PDE1C: variants seen among roughly 807,000 people sequenced by gnomAD.
PDE1C encodes phosphodiesterase 1C.
A neutral mutation model predicts 93.1 loss-of-function variants in PDE1C; 62 were observed. The ratio of observed to expected loss-of-function variants is 0.67; its 90% CI spans 0.54 to 0.82. The LOEUF (loss-of-function observed/expected upper bound fraction) is 0.82, where lower values mean the gene tolerates loss of function less well. PDE1C is among the 40% of genes least tolerant of loss of function. PDE1C has a pLI of 0.00. For missense variants in PDE1C, 742 were observed against 884.6 expected (o/e 0.84, Z 2.04); for synonymous variants, 325 against 310.1 (o/e 1.05, Z -0.50).
chr7:31,892,900 A>G (rs575927224), intron 2 of PDE1C, among the ~76,000 whole-genome samples: 1 of 152,288 alleles, frequency 6.6e-6, no homozygotes, highest in African/African-American at 2.4e-5. Flanking sequence ...AATTGCTAAA[A>G]GGGTAGATTT....
At chr7:32,184,178 G>T (rs1265948754) in intron 2 of PDE1C, among the ~76,000 whole-genome samples, 1 of 152,104 alleles carries the variant, frequency 6.6e-6, no homozygotes, top group Non-Finnish European at 1.5e-5. Context: ...GGAGAAATAG[G>T]AACACTTTTA....
chr7:31,964,589 G>C (rs369163209), intron 2 of PDE1C, among the ~76,000 whole-genome samples: 6 of 152,344 alleles, frequency 3.9e-5, no homozygotes, highest in Middle Eastern at 3.4e-3. Context: ...GTCCCTGTCT[G>C]TCAGCTTTGA....
At chr7:32,139,892 A>T (rs1161230329) in intron 3 of PDE1C, among the ~76,000 whole-genome samples, 1 of 141,226 alleles carries the variant, frequency 7.1e-6, no homozygotes, top group East Asian at 2.0e-4. Flanking sequence ...CCATATTGTG[A>T]CTGTGAGGAG....
At chr7:32,111,311 A>G (rs918809879) in intron 3 of PDE1C, among the ~76,000 whole-genome samples, 1 of 152,232 alleles carries the variant, frequency 6.6e-6, no homozygotes, top group Non-Finnish European at 1.5e-5. Context: ...TTTCTGAGAC[A>G]CTAAAGACAG....
intron 2 of PDE1C, among the ~76,000 whole-genome samples, chr7:32,198,015 T>G (rs1487681934): frequency 2.0e-5 from 3 of 152,230 alleles, no homozygotes; most frequent in Non-Finnish European, 4.4e-5. Flanking sequence ...AGCAATCATC[T>G]TAATATTCAT....
chr7:32,355,189 G>A (rs906037029), intron 1 of PDE1C, among the ~76,000 whole-genome samples: 2 of 152,346 alleles, frequency 1.3e-5, no homozygotes, highest in East Asian at 3.9e-4. Flanking sequence ...GGAGTCCCAA[G>A]TGTGAAAGTC....
exon 1 of PDE1C, chr7:32,298,898 C>T (rs2128901465): frequency 7.3e-7 from 1 of 1,366,058 alleles, no homozygotes; most frequent in Middle Eastern, 2.7e-4. Context: ...CGCCTGGAGA[C>T]AACAGCGGGG....
intron 2 of PDE1C, among the ~76,000 whole-genome samples, chr7:32,180,544 A>T (rs2128811727): frequency 6.6e-6 from 1 of 152,294 alleles, no homozygotes; most frequent in African/African-American, 2.4e-5. Context: ...CTCTCAGAGG[A>T]CACAGCAACC....
At chr7:32,320,806 T>C (rs189526124) in intron 1 of PDE1C, among the ~76,000 whole-genome samples, 104 of 152,370 alleles carry the variant, frequency 6.8e-4, no homozygotes, top group African/African-American at 2.3e-3. Flanking sequence ...GAAGCATTTA[T>C]TGAGCACCTA....
chr7:32,248,233 C>T (rs1298008083), intron 1 of PDE1C, among the ~76,000 whole-genome samples: 2 of 152,092 alleles, frequency 1.3e-5, no homozygotes, highest in South Asian at 4.1e-4. Flanking sequence ...TTGATAGAAA[C>T]AATGGGGGAC....
intron 2 of PDE1C, among the ~76,000 whole-genome samples, chr7:32,037,350 A>G (rs1791244779): frequency 1.3e-5 from 2 of 152,122 alleles, no homozygotes; most frequent in African/African-American, 4.8e-5. Context: ...CGATAAGGTA[A>G]TTAAGGCAGG....
At chr7:31,896,835 G>A (rs1420089803) in intron 2 of PDE1C, among the ~76,000 whole-genome samples, 2 of 152,162 alleles carry the variant, frequency 1.3e-5, no homozygotes, top group East Asian at 3.9e-4. Flanking sequence ...ACCTTGTCAT[G>A]GTGTTAATTG....
At chr7:32,166,503 T>A (rs1012013300) in intron 3 of PDE1C, among the ~76,000 whole-genome samples, 2 of 152,132 alleles carry the variant, frequency 1.3e-5, no homozygotes, top group African/African-American at 4.8e-5. Context: ...ACATAGAGTA[T>A]GCCTCATCAG....
At position 32,398,392 on chromosome 7, in the gene PDE1C, T is replaced by A. The variant is rs138185711; in HGVS notation, c.310+29430A>T. ...CAAGATCACTTGGTAGGAACTGTGATTTTTTTTTTCTTTTGAGACAGAGTC... is the reference window on the plus strand; with the variant it reads ...CAAGATCACTTGGTAGGAACTGTGAATTTTTTTTTCTTTTGAGACAGAGTC... On this transcript the variant is annotated intron_variant, in intron 1 of 1. Coordinates refer to the PDE1C transcript ENST00000672256. 2.2e-3 allele frequency among the ~76,000 whole-genome samples: 332 copies of A among 149,290 alleles called. 3 individuals are homozygous for A. The highest frequency in any genetic ancestry group is 7.7e-3 in the African/African-American group (316 of 40,860).
chr7:31,651,321 C>G, the PDE1C span: 2 of 1,589,192 alleles, frequency 1.3e-6, no homozygotes, highest in Non-Finnish European at 1.7e-6. Flanking sequence ...ACACCTGGAG[C>G]AAGGAAGATA....
chr7:32,246,276 G>A (rs78534252), intron 1 of PDE1C, among the ~76,000 whole-genome samples: 2,080 of 152,148 alleles, frequency 0.014, 54 homozygotes, highest in African/African-American at 0.046. Context: ...GCCATTCGAC[G>A]TATGAATTTT....
chr7:31,895,259 T>G (rs976076143), intron 2 of PDE1C, among the ~76,000 whole-genome samples: 6 of 152,116 alleles, frequency 3.9e-5, no homozygotes, highest in African/African-American at 1.4e-4. Context: ...AAATAGGTGC[T>G]ACAGCCAGAC....
At chr7:32,219,874 T>C (rs1806712541) in intron 1 of PDE1C, among the ~76,000 whole-genome samples, 1 of 152,234 alleles carries the variant, frequency 6.6e-6, no homozygotes, top group Admixed American at 6.5e-5. Context: ...ATAATTCCTA[T>C]GTGTTGTGGG....
intron 7 of PDE1C, among the ~76,000 whole-genome samples, chr7:31,859,722 T>A (rs1794452453): frequency 6.6e-6 from 1 of 152,028 alleles, no homozygotes; most frequent in Non-Finnish European, 1.5e-5. Flanking sequence ...AGATATAAAG[T>A]TCCCTTTGGC....
Sources: gnomAD v4.1 joint callset for allele counts (sites outside exome capture counted in the v4.1 genomes callset) on GRCh38, gnomAD v4.1.1 for gene constraint, MANE v1.5 for transcripts, NCBI Gene and HGNC (gene_info 2026-07-23, HGNC 2026-07-21) for gene names.